Variants in ZNF469 observed in about 807,000 individuals in gnomAD.
ZNF469 encodes the protein zinc finger protein 469.
Under a neutral mutation model 1.0 loss-of-function variants are expected in ZNF469, and 1 was observed. The observed-to-expected ratio is 1.00, with a 90% CI of 0.35 to 4.73. The LOEUF (loss-of-function observed/expected upper bound fraction) is 4.73, where lower values mean the gene tolerates loss of function less well. Among genes scored for constraint, ZNF469 ranks in the 30% most tolerant of loss-of-function variants. ZNF469 has a pLI of 0.16. For synonymous variants in ZNF469, 2,703 were observed against 2,363.4 expected (o/e 1.14, Z -4.17); for missense variants, 6,100 against 5,356.3 (o/e 1.14, Z -4.33).
At chr16:88,284,921 A>G in the ZNF469 span, among the ~76,000 whole-genome samples, 2 of 152,244 alleles carry the variant, frequency 1.3e-5, no homozygotes, top group Admixed American at 6.5e-5. Context: ...AGGCTCATGC[A>G]GGAAGAATTT....
At chr16:88,378,629 C>T (rs1891093822), upstream of ZNF469, among the ~76,000 whole-genome samples, 1 of 152,192 alleles carries the variant, frequency 6.6e-6, no homozygotes, top group Admixed American at 6.5e-5. Context: ...CCCCAATGCT[C>T]GGGGCCCCCA....
chr16:88,208,415 G>C, the ZNF469 span, among the ~76,000 whole-genome samples: 24 of 148,598 alleles, frequency 1.6e-4, no homozygotes, highest in African/African-American at 5.7e-4. Flanking sequence ...TACTACTGGG[G>C]TGCCTCGGTG....
chr16:88,393,844 C>T lies in ZNF469; in HGVS notation c.-192+10590C>T, dbSNP rs533411636. On this transcript the variant is annotated intron_variant, in intron 1 of 2. Coordinates refer to ENST00000565624, the MANE Select transcript of ZNF469 (RefSeq NM_001367624.2). ...GGGCGGACGCTGCCCCACCGGTCTCCGGCCAGCAGCTTTGAGGGCATGTGT... is the reference window on the plus strand; with the variant it reads ...GGGCGGACGCTGCCCCACCGGTCTCTGGCCAGCAGCTTTGAGGGCATGTGT... Among the ~76,000 whole-genome samples the T allele has an allele frequency of 4.5e-4, 69 of 152,352 alleles. 1 individual carries two copies. Among genetic ancestry groups the T allele is most frequent in the Admixed American group, 4.1e-3 (63 of 15,312 alleles).
chr16:88,433,626 C>G lies in ZNF469; in HGVS notation c.6156C>G (p.Ala2052=). The G allele has an allele frequency of 6.5e-7, 1 of 1,550,268 alleles. No individual in the cohort carries two copies. Among genetic ancestry groups the G allele is most frequent in the Non-Finnish European group, 8.7e-7 (1 of 1,146,924 alleles). The change falls in exon 3 of 3, where the codon GCC becomes GCG. Residue 2052 remains alanine, a synonymous_variant. Coordinates refer to ENST00000565624, the MANE Select transcript of ZNF469 (RefSeq NM_001367624.2). ...CAGCCATGAGCCTTCAGGAGGAGGC[C>G]GAGCCCACCCCAAGCCCCCCGTCCC... ...SRAAMSLQEE[A]EPTPSPPSPN...
At position 88,431,608 on chromosome 16, in the gene ZNF469, C is replaced by G. The variant is rs778886933; in HGVS notation, c.4138C>G (p.His1380Asp). 6.4e-7 allele frequency: 1 copy of G among 1,550,484 alleles called. No homozygotes were observed. Among genetic ancestry groups the G allele is most frequent in the East Asian group, 2.4e-5 (1 of 40,928 alleles). The change falls in exon 3 of 3, where the codon CAC (histidine) becomes GAC (aspartate). Residue 1380 changes from histidine (H) to aspartate (D), a missense_variant. By Grantham distance (81) the His-to-Asp change is moderately conservative (BLOSUM62 -1). Transcript: ENST00000565624. ...GGGGCCTCAGCCCTACAGCAGCCCC[C>G]ACAGTGAGTTGTTCCTCGGACCCAA... ...KKGPQPYSSP[H>D]SELFLGPKDL...
the ZNF469 span, among the ~76,000 whole-genome samples, chr16:88,201,186 C>G: frequency 3.3e-5 from 5 of 152,224 alleles, no homozygotes; most frequent in African/African-American, 1.2e-4. The surrounding 1 kb of genome is among the most constrained non-coding windows in gnomAD (Gnocchi z 5.0). Context: ...TTTTCCAGAA[C>G]GGGGCAGAAG....
chr16:88,143,066 A>G, the ZNF469 span, among the ~76,000 whole-genome samples: 3 of 152,032 alleles, frequency 2.0e-5, no homozygotes, highest in Non-Finnish European at 2.9e-5. Context: ...ACAGGCTGAG[A>G]TGGGGCCCCA....
chr16:88,246,070 T>A, the ZNF469 span, among the ~76,000 whole-genome samples: 1 of 152,400 alleles, frequency 6.6e-6, no homozygotes, highest in Non-Finnish European at 1.5e-5. Flanking sequence ...GCTTCCCTCA[T>A]GCAGCCATCA....
chr16:88,207,704 T>C, the ZNF469 span, among the ~76,000 whole-genome samples: 1 of 149,624 alleles, frequency 6.7e-6, no homozygotes, highest in East Asian at 2.0e-4. Context: ...CTTCTGGGGC[T>C]GCTGGCTTCC....
chr16:88,116,702 C>T, the ZNF469 span, among the ~76,000 whole-genome samples: 8,605 of 152,140 alleles, frequency 0.057, 461 homozygotes, highest in East Asian at 0.24. Flanking sequence ...AGAATTCTGC[C>T]GAGTGGGAAA....
the ZNF469 span, among the ~76,000 whole-genome samples, chr16:88,180,369 A>T: frequency 1.3e-5 from 2 of 152,246 alleles, no homozygotes; most frequent in African/African-American, 4.8e-5. Flanking sequence ...AAATAGTTAT[A>T]TTCTGAACTA....
At chr16:88,365,614 C>G in the ZNF469 span, among the ~76,000 whole-genome samples, 23,735 of 152,234 alleles carry the variant, frequency 0.16, 2,436 homozygotes, top group East Asian at 0.43. Flanking sequence ...GTGAGCCAAG[C>G]ACTGCCTTTT....
At chr16:88,257,731 T>G in the ZNF469 span, among the ~76,000 whole-genome samples, 1 of 152,234 alleles carries the variant, frequency 6.6e-6, no homozygotes, top group East Asian at 1.9e-4. Context: ...GCTCTTTTTA[T>G]GTGCATTGAT....
At chr16:88,185,991 T>G in the ZNF469 span, among the ~76,000 whole-genome samples, 3 of 151,744 alleles carry the variant, frequency 2.0e-5, no homozygotes, top group Non-Finnish European at 4.4e-5. Context: ...ACACACACAC[T>G]CACACATTCG....
the ZNF469 span, among the ~76,000 whole-genome samples, chr16:88,117,772 G>A: frequency 1.3e-5 from 2 of 152,220 alleles, no homozygotes; most frequent in African/African-American, 2.4e-5. Context: ...AGCCCCGGTC[G>A]TGTGCAAGTG....
chr16:88,353,985 C>A, the ZNF469 span, among the ~76,000 whole-genome samples: 1,481 of 152,314 alleles, frequency 9.7e-3, 75 homozygotes, highest in East Asian at 0.13. Flanking sequence ...GCACCCCTGC[C>A]TGCTTCATAT....
chr16:88,308,895 C>G, the ZNF469 span, among the ~76,000 whole-genome samples: 1 of 152,194 alleles, frequency 6.6e-6, no homozygotes, highest in African/African-American at 2.4e-5. Flanking sequence ...CCTGAGCTCA[C>G]CTCCACATTT....
chr16:88,364,587 A>C, the ZNF469 span, among the ~76,000 whole-genome samples: 10 of 151,470 alleles, frequency 6.6e-5, no homozygotes, highest in South Asian at 2.1e-4. Context: ...TCTTTCCATT[A>C]GAGTCTTCCA....
At chr16:88,107,919 C>T in the ZNF469 span, among the ~76,000 whole-genome samples, 18 of 152,354 alleles carry the variant, frequency 1.2e-4, no homozygotes, top group South Asian at 1.0e-3. Context: ...GCAGCCCAGG[C>T]GCCTGGTAAT....
Sources: gnomAD v4.1 joint callset for allele counts (sites outside exome capture counted in the v4.1 genomes callset) on GRCh38, gnomAD v4.1.1 for gene constraint, Gnocchi (gnomAD v3.1) non-coding constraint, MANE v1.5 for transcripts, NCBI Gene and HGNC (gene_info 2026-07-23, HGNC 2026-07-21) for gene names.